TENM3: variants seen among roughly 807,000 people sequenced by gnomAD.
TENM3 encodes teneurin-3.
Under a neutral mutation model 255.1 loss-of-function variants are expected in TENM3, and 63 were observed. The observed-to-expected ratio is 0.25, with a 90% confidence interval of 0.20 to 0.30. The LOEUF (loss-of-function observed/expected upper bound fraction) is 0.30, where lower values mean the gene tolerates loss of function less well. Among genes scored for constraint, TENM3 ranks in the 10% least tolerant of loss-of-function variants. The pLI, the probability that TENM3 is intolerant of heterozygous loss-of-function variation, is 1.00. For missense variants in TENM3, 2,929 were observed against 3,461.1 expected (o/e 0.85, Z 3.86); for synonymous variants, 1,306 against 1,322.3 (o/e 0.99, Z 0.27).
intron 3 of TENM3, among the ~76,000 whole-genome samples, chr4:182,429,675 A>G (rs932373393): frequency 6.6e-6 from 1 of 152,224 alleles, no homozygotes; most frequent in African/African-American, 2.4e-5. Context: ...CTTTATTACC[A>G]TGGAATCCAG....
At chr4:182,235,417 A>G (rs571003289) in intron 1 of TENM3, among the ~76,000 whole-genome samples, 1 of 152,218 alleles carries the variant, frequency 6.6e-6, no homozygotes, top group African/African-American at 2.4e-5. Context: ...TGTAGCGTGC[A>G]ATCTCCAGTG....
chr4:182,037,630 T>C, the TENM3 span, among the ~76,000 whole-genome samples: 1 of 136,452 alleles, frequency 7.3e-6, no homozygotes, highest in East Asian at 1.9e-4. Flanking sequence ...TTCTTTGAAT[T>C]ATGTTATTTG....
chr4:182,031,837 G>T, the TENM3 span, among the ~76,000 whole-genome samples: 1 of 152,110 alleles, frequency 6.6e-6, no homozygotes. Context: ...GTTCATTTAT[G>T]ATTTGGCTCT....
chr4:181,620,764 C>T, the TENM3 span, among the ~76,000 whole-genome samples: 3 of 151,778 alleles, frequency 2.0e-5, no homozygotes, highest in Admixed American at 1.3e-4. Flanking sequence ...ATGACAATAC[C>T]TAAATTGCAG....
intron 3 of TENM3, among the ~76,000 whole-genome samples, chr4:182,360,789 G>A (rs540487275): frequency 0.011 from 1,618 of 152,050 alleles, 33 homozygotes; most frequent in African/African-American, 0.037. Flanking sequence ...TATTTTGCTC[G>A]TTAGTTGATG....
Position 182,731,364 on chromosome 4 carries a change from C to T in TENM3, c.2967+225C>T, listed in dbSNP as rs569260372. Among the ~76,000 whole-genome samples, 8 of 151,896 alleles carry T rather than the reference C, an allele frequency of 5.3e-5. No individual in the cohort carries two copies. In the East Asian group the frequency reaches 7.8e-4, roughly 15 times the overall value. Reference sequence around the variant, plus strand: ...ACTAAAAATACAAAAAAAAATTAGCCGGGCATGGTGATGGGCACCTGTAGT... The same window carrying T: ...ACTAAAAATACAAAAAAAAATTAGCTGGGCATGGTGATGGGCACCTGTAGT... On this transcript the variant is annotated intron_variant, in intron 16 of 27. Transcript: ENST00000511685.
At chr4:182,554,582 TATTTA>T (rs1742398217) in intron 3 of TENM3, among the ~76,000 whole-genome samples, 2 of 152,112 alleles carry the variant, frequency 1.3e-5, no homozygotes, top group South Asian at 2.1e-4. Flanking sequence ...GTGTGTGTGA[TATTTA>T]ATTTAATGTT....
chr4:182,652,719 T>A (rs991678766), intron 5 of TENM3, among the ~76,000 whole-genome samples: 4 of 152,190 alleles, frequency 2.6e-5, no homozygotes, highest in Non-Finnish European at 4.4e-5. Context: ...TCACACTGCC[T>A]TCTTATTCTT....
the TENM3 span, among the ~76,000 whole-genome samples, chr4:181,671,862 A>C: frequency 6.6e-6 from 1 of 152,126 alleles, no homozygotes; most frequent in Non-Finnish European, 1.5e-5. Context: ...AGACAGGGAC[A>C]GTCATCAGCC....
At chr4:181,854,818 G>A in the TENM3 span, among the ~76,000 whole-genome samples, 55 of 152,316 alleles carry the variant, frequency 3.6e-4, no homozygotes, top group Admixed American at 2.9e-3. Context: ...GCTAGCTAGT[G>A]ATGAACTTAT....
In TENM3 at chr4:182,626,983, G is replaced by T. The variant is rs150782235; in HGVS notation, c.750-1668G>T. On this transcript the variant is annotated intron_variant, in intron 4 of 27. Coordinates refer to ENST00000511685, the MANE Select transcript of TENM3 (RefSeq NM_001080477.4). ...ACATTACTAGGAAATGATAGACCAG[G>T]GACTGATTTTCAATCCAGAATTCTT... Among the ~76,000 whole-genome samples the T allele has an allele frequency of 8.2e-3, 1,250 of 152,124 alleles. 18 individuals carry two copies. Among genetic ancestry groups the T allele is most frequent in the African/African-American group, 0.022 (903 of 41,506 alleles).
At chr4:181,608,609 G>A in the TENM3 span, among the ~76,000 whole-genome samples, 2 of 151,628 alleles carry the variant, frequency 1.3e-5, no homozygotes, top group African/African-American at 2.4e-5. Context: ...ATATCAGAAA[G>A]GTATTTCTGA....
chr4:182,177,572 T>G (rs2149722146), intron 1 of TENM3, among the ~76,000 whole-genome samples: 1 of 152,024 alleles, frequency 6.6e-6, no homozygotes, highest in East Asian at 1.9e-4. Flanking sequence ...GAAAAAAAAT[T>G]TATTTAAAAT....
chr4:182,109,196 C>T, the TENM3 span, among the ~76,000 whole-genome samples: 3 of 147,546 alleles, frequency 2.0e-5, no homozygotes, highest in African/African-American at 7.4e-5. Flanking sequence ...ACATTTAAGC[C>T]TATAATTTAT....
At chr4:181,930,315 T>C in the TENM3 span, among the ~76,000 whole-genome samples, 3 of 151,694 alleles carry the variant, frequency 2.0e-5, no homozygotes, top group African/African-American at 7.3e-5. Flanking sequence ...ACAGACACAA[T>C]AAAAAATGAT....
chr4:182,692,999 T>G (rs1327936442), intron 12 of TENM3, among the ~76,000 whole-genome samples: 2 of 152,206 alleles, frequency 1.3e-5, no homozygotes, highest in Non-Finnish European at 2.9e-5. Context: ...ACTACTAGAT[T>G]TAAACATGGG....
chr4:182,069,686 AACACACAC>A, the TENM3 span, among the ~76,000 whole-genome samples: 167 of 149,164 alleles, frequency 1.1e-3, no homozygotes, highest in African/African-American at 1.6e-3. Flanking sequence ...TAGATGCATA[AACACACAC>A]ACACACACAC....
At chr4:181,547,269 T>C in the TENM3 span, among the ~76,000 whole-genome samples, 4 of 152,104 alleles carry the variant, frequency 2.6e-5, no homozygotes, top group South Asian at 4.1e-4. Flanking sequence ...AAATGACTCA[T>C]ACAAATATCC....
chr4:181,722,283 A>G, the TENM3 span, among the ~76,000 whole-genome samples: 1 of 152,208 alleles, frequency 6.6e-6, no homozygotes, highest in South Asian at 2.1e-4. Context: ...TTCATGGCAC[A>G]TAGTAAGCAC....
Sources: gnomAD v4.1 joint callset for allele counts (sites outside exome capture counted in the v4.1 genomes callset) on GRCh38, gnomAD v4.1.1 for gene constraint, MANE v1.5 for transcripts, NCBI Gene and HGNC (gene_info 2026-07-23, HGNC 2026-07-21) for gene names.